Variants in HS2ST1 observed in about 807,000 individuals in gnomAD.
The protein encoded by HS2ST1 is heparan sulfate 2-O-sulfotransferase 1, also known as 2-O-sulfotransferase.
A neutral mutation model predicts 42.9 loss-of-function variants in HS2ST1; 18 were observed. The observed-to-expected ratio is 0.42, with a 90% confidence interval of 0.29 to 0.62. The LOEUF is 0.62. Among genes scored for constraint, HS2ST1 ranks in the 20% least tolerant of loss-of-function variants. The probability of loss-of-function intolerance (pLI) is 0.21; values close to 1 mark genes in which losing one functional copy is unlikely to be tolerated. For synonymous variants in HS2ST1, 146 were observed against 152.9 expected, an observed-to-expected ratio of 0.95 and a Z score of 0.33; for missense variants, 334 against 433.8, an observed-to-expected ratio of 0.77 and a Z score of 2.04.
intron 1 of HS2ST1, among the ~76,000 whole-genome samples, chr1:87,001,660 C>T (rs892477398): frequency 1.1e-4 from 17 of 152,252 alleles, no homozygotes; most frequent in African/African-American, 2.6e-4. Flanking sequence ...TTTGCCGAGT[C>T]GGGAGTGCAA....
chr1:86,923,223 T>G (rs1313069424), intron 1 of HS2ST1, among the ~76,000 whole-genome samples: 1 of 152,158 alleles, frequency 6.6e-6, no homozygotes, highest in Non-Finnish European at 1.5e-5. Context: ...CTTAACATCC[T>G]GTATTAGCCC....
At chr1:86,966,136 G>T (rs1175189131) in intron 1 of HS2ST1, among the ~76,000 whole-genome samples, 1 of 152,172 alleles carries the variant, frequency 6.6e-6, no homozygotes, top group Non-Finnish European at 1.5e-5. Flanking sequence ...GGGGCTTCTT[G>T]TCCTTTGTGA....
chr1:86,916,711 A>G (rs1201232285), intron 1 of HS2ST1, among the ~76,000 whole-genome samples: 2 of 152,228 alleles, frequency 1.3e-5, no homozygotes, highest in Non-Finnish European at 2.9e-5. Context: ...GGATCCATTT[A>G]GCGACATTCA....
chr1:86,936,992 C>CTACTT (rs1263042145), intron 1 of HS2ST1, among the ~76,000 whole-genome samples: 2 of 150,850 alleles, frequency 1.3e-5, no homozygotes, highest in African/African-American at 2.4e-5. Flanking sequence ...GTAGTCCCAG[C>CTACTT]TACTTGGTAG....
At chr1:86,917,019 A>G (rs183680552) in intron 1 of HS2ST1, among the ~76,000 whole-genome samples, 1 of 152,306 alleles carries the variant, frequency 6.6e-6, no homozygotes. Flanking sequence ...GTTAAAATAT[A>G]AAGTGCTTTC....
intron 1 of HS2ST1, among the ~76,000 whole-genome samples, chr1:86,931,888 A>G (rs937190074): frequency 2.0e-5 from 3 of 152,016 alleles, no homozygotes; most frequent in African/African-American, 4.8e-5. Flanking sequence ...TTGAAGTGAT[A>G]TTTCTTGGTG....
intron 1 of HS2ST1, among the ~76,000 whole-genome samples, chr1:86,996,613 G>T (rs567491117): frequency 6.6e-6 from 1 of 152,178 alleles, no homozygotes; most frequent in East Asian, 1.9e-4. Flanking sequence ...CTAGACCTCA[G>T]TGAACCCCTA....
At chr1:87,031,089 G>A (rs936339850) in intron 1 of HS2ST1, among the ~76,000 whole-genome samples, 6 of 151,976 alleles carry the variant, frequency 3.9e-5, no homozygotes, top group African/African-American at 7.3e-5. Flanking sequence ...ATAGACTCAC[G>A]CCCCCACACC....
At chr1:86,992,761 C>G (rs1428089395) in intron 1 of HS2ST1, among the ~76,000 whole-genome samples, 1 of 152,150 alleles carries the variant, frequency 6.6e-6, no homozygotes, top group African/African-American at 2.4e-5. Context: ...AAGACAGATG[C>G]ACAAGACAAA....
intron 1 of HS2ST1, among the ~76,000 whole-genome samples, chr1:86,964,151 C>T (rs1368143511): frequency 1.1e-4 from 17 of 151,016 alleles, no homozygotes; most frequent in African/African-American, 3.2e-4. Flanking sequence ...ACTTCCTAGA[C>T]GGGATGGCGG....
intron 1 of HS2ST1, among the ~76,000 whole-genome samples, chr1:86,928,159 G>T (rs528352497): frequency 6.6e-6 from 1 of 151,914 alleles, no homozygotes; most frequent in Non-Finnish European, 1.5e-5. Flanking sequence ...CCCTATTTTT[G>T]TTCTAAGACT....
intron 1 of HS2ST1, among the ~76,000 whole-genome samples, chr1:87,036,962 A>G (rs749305601): frequency 2.0e-5 from 3 of 152,182 alleles, no homozygotes; most frequent in African/African-American, 4.8e-5. Context: ...TCACTTGCAT[A>G]TATCACTACA....
At chr1:87,098,116 A>G in intron 5 of HS2ST1, 181 bp downstream of exon 5, 1 of 1,354,108 alleles carries the variant, frequency 7.4e-7, no homozygotes, top group South Asian at 1.6e-5. Context: ...TTCCTCATGT[A>G]GAGTGATATC....
intron 1 of HS2ST1, among the ~76,000 whole-genome samples, chr1:86,949,852 A>G (rs2102184765): frequency 6.6e-6 from 1 of 152,352 alleles, no homozygotes; most frequent in South Asian, 2.1e-4. Context: ...AGAATACCAT[A>G]TAAAAAGGTA....
At chr1:87,010,050 C>CA (rs1266212285) in intron 1 of HS2ST1, among the ~76,000 whole-genome samples, 4 of 35,316 alleles carry the variant, frequency 1.1e-4, no homozygotes, top group Non-Finnish European at 3.1e-4. Flanking sequence ...CAAAACAAAA[C>CA]AAAACAAAAA....
At chr1:87,076,306 C>T (rs1324761168) in intron 2 of HS2ST1, among the ~76,000 whole-genome samples, 1 of 152,070 alleles carries the variant, frequency 6.6e-6, no homozygotes, top group Admixed American at 6.5e-5. Flanking sequence ...TGTTCATAGA[C>T]ATAGTACATG....
chr1:86,982,960 C>G (rs749253460), intron 1 of HS2ST1, among the ~76,000 whole-genome samples: 19 of 152,326 alleles, frequency 1.2e-4, no homozygotes, highest in Non-Finnish European at 2.5e-4. Flanking sequence ...CAAGAGGGAC[C>G]TTTGCTTCAA....
At chr1:87,066,669 CACCCATCA>C (rs1411429032) in intron 1 of HS2ST1, among the ~76,000 whole-genome samples, 1 of 152,078 alleles carries the variant, frequency 6.6e-6, no homozygotes, top group Non-Finnish European at 1.5e-5. Flanking sequence ...TGGTTTGCTG[CACCCATCA>C]ACCCATCATC....
intron 1 of HS2ST1, among the ~76,000 whole-genome samples, chr1:87,040,208 A>G (rs114200856): frequency 0.024 from 3,646 of 152,200 alleles, 46 homozygotes; most frequent in South Asian, 0.053. Flanking sequence ...AAAATTAGAA[A>G]TAATACCTCC....
Sources: gnomAD v4.1 joint callset for allele counts (sites outside exome capture counted in the v4.1 genomes callset) on GRCh38, gnomAD v4.1.1 for gene constraint, MANE v1.5 for transcripts, NCBI Gene and HGNC (gene_info 2026-07-23, HGNC 2026-07-21) for gene names.